Variants in PRPF3 observed in about 807,000 individuals in gnomAD.
The protein encoded by PRPF3 is pre-mRNA processing factor 3.
Under a neutral mutation model 89.2 loss-of-function variants are expected in PRPF3, and 3 were observed. The observed-to-expected ratio is 0.03, with a 90% CI of 0.02 to 0.09. PRPF3 has a LOEUF of 0.09. Ranked by LOEUF, PRPF3 falls within the 10% of genes least tolerant of loss-of-function variation. PRPF3 has a pLI of 1.00. For missense variants in PRPF3, 463 were observed against 828.8 expected (o/e 0.56, Z 5.42); for synonymous variants, 270 against 289.1 (o/e 0.93, Z 0.67).
At position 150,328,410 on chromosome 1, in the gene PRPF3, C is replaced by T; in HGVS notation, c.367C>T (p.Pro123Ser). 1 of 1,613,930 alleles carries T rather than the reference C, an allele frequency of 6.2e-7. No individual in the cohort carries two copies. Among genetic ancestry groups the T allele is most frequent in the Non-Finnish European group, 8.5e-7 (1 of 1,180,016 alleles). Reference sequence around the variant, plus strand: ...CCGTTTTGAGGAGGTGGAAGAAGAGCCAGAGGTGATCCCTGGGCCTCCATC... The same window carrying T: ...CCGTTTTGAGGAGGTGGAAGAAGAGTCAGAGGTGATCCCTGGGCCTCCATC... ...IPRFEEVEEE[P>S]EVIPGPPSES... The change falls in exon 4 of 16, where the codon CCA (proline) becomes TCA (serine). Residue 123 changes from proline to serine, a missense_variant. This residue lies in a region of PRPF3 where 28 missense variants were observed against 48.1 expected (regional missense o/e 0.58). Transcript: ENST00000324862.
At chr1:150,352,716 T>TA in intron 15 of PRPF3, 117 bp from the exon 16 acceptor site, 1 of 1,171,096 alleles carries the variant, frequency 8.5e-7, no homozygotes, top group Non-Finnish European at 1.2e-6. Context: ...TTTTTAACCA[T>TA]AAAATCACGT....
Position 150,321,593 on chromosome 1 carries a change from G to A in PRPF3, c.-49+1G>A, listed in dbSNP as rs1655045939. 1 of 152,728 alleles carries A rather than the reference G, an allele frequency of 6.5e-6. No homozygotes were observed. Among genetic ancestry groups the A allele is most frequent in the Non-Finnish European group, 1.5e-5 (1 of 68,138 alleles). The allele number at this position is 152,728 out of a possible 1,614,324, so 9.5% of individuals were successfully genotyped here. A position where few individuals can be genotyped will look rare whatever the true frequency, so the allele number is the denominator to read the frequency against. On this transcript the variant is annotated splice_donor_variant, in intron 1 of 15. Transcript: ENST00000324862. LOFTEE classifies it low-confidence loss of function (5UTR_SPLICE). ...CGTCTCAGGGGCTGAAGTTTGTGAG[G>A]TGAGTAGTGGCCCCGGGCCCACAGA...
At chr1:150,348,988 T>G in intron 14 of PRPF3, 169 bp from the exon 15 acceptor site, 1 of 674,238 alleles carries the variant, frequency 1.5e-6, no homozygotes, top group Non-Finnish European at 2.7e-6. Flanking sequence ...TACTGCCTAC[T>G]TGGAGCTTCA....
chr1:150,333,014 T>A lies in PRPF3; in HGVS notation c.543T>A (p.Leu181=). 6.2e-7 allele frequency: 1 copy of A among 1,613,936 alleles called. No homozygotes were observed. The highest frequency in any genetic ancestry group is 2.2e-5 in the East Asian group (1 of 44,886). The change falls in exon 6 of 16, where the codon CTT becomes CTA. Residue 181 remains leucine (L), a synonymous_variant. Coordinates refer to ENST00000324862, the MANE Select transcript of PRPF3 (RefSeq NM_004698.4). ...CTTCTTCCTCCCAACCAGAACGACT[T>A]CCTATTGGCAACACTATTCAGCCCT... The part of the protein sequence containing the change: ...KTPSSSQPER[L]PIGNTIQPSQ...
intron 15 of PRPF3, among the ~76,000 whole-genome samples, chr1:150,352,353 A>C (rs1391776007): frequency 6.6e-6 from 1 of 152,226 alleles, no homozygotes. Flanking sequence ...ATGCATATGA[A>C]TTCGTAAAAT....
rs1194810389 is a variant in PRPF3 at position 150,321,629 on chromosome 1, AGTCCGCGCCACTGT to A, written c.-49+39_-49+52del. ...CCCCGGGCCCACAGAGGGTAATTCC[AGTCCGCGCCACTGT>A]GGCCGGGGACTCAGTCCAAGGGGAG... On this transcript the variant is annotated intron_variant, in intron 1 of 15. Transcript: ENST00000324862. 17 of 152,784 alleles carry A rather than the reference AGTCCGCGCCACTGT, an allele frequency of 1.1e-4. No individual in the cohort carries two copies. In the East Asian group the frequency reaches 2.7e-3, roughly 24 times the overall value. 9.5% of individuals were successfully genotyped at this position (152,784 alleles called of 1,614,324 possible). A position where few individuals can be genotyped will look rare whatever the true frequency, so the allele number is the denominator to read the frequency against.
chr1:150,335,529 G>T (rs148318098), intron 7 of PRPF3, among the ~76,000 whole-genome samples: 1 of 152,050 alleles, frequency 6.6e-6, no homozygotes, highest in South Asian at 2.1e-4. Context: ...GCAATGGGGC[G>T]ATCTCGGCTT....
chr1:150,328,265 TC>T, intron 3 of PRPF3, 54 bp from the exon 4 acceptor site: 1 of 1,602,516 alleles, frequency 6.2e-7, no homozygotes, highest in Non-Finnish European at 8.5e-7. Context: ...GGATAATTCT[TC>T]CCTTCTCCCC....
At chr1:150,347,095 A>G (rs1272784589) in intron 14 of PRPF3, among the ~76,000 whole-genome samples, 5 of 152,122 alleles carry the variant, frequency 3.3e-5, no homozygotes, top group African/African-American at 9.7e-5. Context: ...CTGTCTCAAA[A>G]AAAAGAAAAA....
intron 10 of PRPF3, 78 bp downstream of exon 10, chr1:150,343,530 C>G (rs1657997208): frequency 6.5e-7 from 1 of 1,543,114 alleles, no homozygotes; most frequent in Non-Finnish European, 8.9e-7. Flanking sequence ...TTTAACATCT[C>G]TGTGTTTGAG....
intron 4 of PRPF3, among the ~76,000 whole-genome samples, chr1:150,332,446 A>G (rs1656516549): frequency 6.6e-6 from 1 of 152,194 alleles, no homozygotes; most frequent in African/African-American, 2.4e-5. Context: ...CAGAGTCTCA[A>G]TCATCACACT....
chr1:150,338,495 G>GTATTTTTTTTTT lies in PRPF3; in HGVS notation c.1202+170_1202+171insATTTTTTTTTTT, dbSNP rs1467846345. ...GATAAGTAACTGTACACAAGGTCCT[G>GTATTTTTTTTTT]TTATTTTTTTTTTTTTTTTTTTTGA... On this transcript the variant is annotated intron_variant, in intron 8 of 15. Transcript: ENST00000324862. Among the ~76,000 whole-genome samples the GTATTTTTTTTTT allele has an allele frequency of 8.4e-5, 3 of 35,760 alleles. 1 individual carries two copies. Among genetic ancestry groups the GTATTTTTTTTTT allele is most frequent in the Non-Finnish European group, 1.2e-4 (2 of 17,264 alleles). 23.5% of individuals were successfully genotyped at this position (35,760 alleles called of 152,430 possible). A position where few individuals can be genotyped will look rare whatever the true frequency, so the allele number is the denominator to read the frequency against.
intron 14 of PRPF3, among the ~76,000 whole-genome samples, chr1:150,347,517 G>A (rs188495075): frequency 1.1e-3 from 168 of 152,180 alleles, no homozygotes; most frequent in African/African-American, 3.7e-3. Context: ...GATCATTTGA[G>A]GTCAGGAGTT....
chr1:150,334,397 C>T (rs782751053), intron 6 of PRPF3, among the ~76,000 whole-genome samples: 1 of 152,134 alleles, frequency 6.6e-6, no homozygotes, highest in Non-Finnish European at 1.5e-5. Context: ...GAGGGAGTCT[C>T]ACTCTGTCAC....
Position 150,328,303 on chromosome 1 carries a change from A to G in PRPF3, c.277-17A>G. ...CGGGGAGGGATACAGCTTTTCTTTC[A>G]TCTTGGGTTCCCTTAGGAGGTGTTT... On this transcript the variant is annotated splice_polypyrimidine_tract_variant and intron_variant, in intron 3 of 15. Transcript: ENST00000324862. 1 of 1,613,752 alleles carries G rather than the reference A, an allele frequency of 6.2e-7. No homozygotes were observed. The highest frequency in any genetic ancestry group is 8.5e-7 in the Non-Finnish European group (1 of 1,179,868).
At chr1:150,328,184 C>A in intron 3 of PRPF3, 136 bp from the exon 4 acceptor site, 1 of 944,568 alleles carries the variant, frequency 1.1e-6, no homozygotes, top group Non-Finnish European at 1.7e-6. Flanking sequence ...GACCCTGCTT[C>A]TGGCAGGTGG....
At chr1:150,346,307 C>T (rs908809251) in intron 13 of PRPF3, 101 bp from the exon 14 acceptor site, 4 of 1,337,256 alleles carry the variant, frequency 3.0e-6, no homozygotes, top group Non-Finnish European at 3.2e-6. Context: ...GATGTGGTTC[C>T]TGAGATTGCT....
chr1:150,344,153 T>C lies in PRPF3; in HGVS notation c.1427-9T>C, dbSNP rs1658056432. The C allele has an allele frequency of 6.2e-7, 1 of 1,611,928 alleles. No individual in the cohort carries two copies. The highest frequency in any genetic ancestry group is 8.5e-7 in the Non-Finnish European group (1 of 1,178,932). On this transcript the variant is annotated splice_polypyrimidine_tract_variant and intron_variant, in intron 10 of 15. Coordinates refer to ENST00000324862, the MANE Select transcript of PRPF3 (RefSeq NM_004698.4). ...TCAAAGACTGATTGTTGTCCTCTCT[T>C]CACTGCAGTGAGAATTTCTAATTTG...
intron 7 of PRPF3, among the ~76,000 whole-genome samples, chr1:150,335,860 C>A (rs1238882260): frequency 2.6e-5 from 4 of 151,194 alleles, no homozygotes; most frequent in African/African-American, 7.3e-5. Context: ...CCTCTGCCTC[C>A]TGGGTTCAAG....
Sources: gnomAD v4.1 joint callset for allele counts (sites outside exome capture counted in the v4.1 genomes callset) on GRCh38, gnomAD v4.1.1 for gene constraint, gnomAD v4.1.1 regional missense constraint, MANE v1.5 for transcripts, NCBI Gene and HGNC (gene_info 2026-07-23, HGNC 2026-07-21) for gene names.